The following CIMIP5 variants were observed in gnomAD, a reference collection of about 807,000 sequenced individuals.
CIMIP5 encodes the protein ciliary microtubule inner protein 5.
At chr2:11,145,815 G>C in the CIMIP5 span, 1 of 152,248 alleles carries the variant, frequency 6.6e-6, no homozygotes, top group Non-Finnish European at 1.5e-5. Flanking sequence ...GAGTGAGCTC[G>C]TGGAGCAGAA....
At chr2:11,134,080 A>G in the CIMIP5 span, among the ~76,000 whole-genome samples, 1 of 152,254 alleles carries the variant, frequency 6.6e-6, no homozygotes, top group South Asian at 2.1e-4. Flanking sequence ...CAGAGAAGCA[A>G]ACAAGTACAA....
the CIMIP5 span, among the ~76,000 whole-genome samples, chr2:11,149,455 C>T: frequency 1.5e-3 from 233 of 152,256 alleles, no homozygotes; most frequent in African/African-American, 5.3e-3. Flanking sequence ...CCCATAATGC[C>T]GGCACTTTGG....
chr2:11,135,415 T>C, the CIMIP5 span, among the ~76,000 whole-genome samples: 1 of 152,176 alleles, frequency 6.6e-6, no homozygotes, highest in South Asian at 2.1e-4. Flanking sequence ...TGTGACGTGG[T>C]ATCTCATTGT....
At chr2:11,152,737 C>T in the CIMIP5 span, among the ~76,000 whole-genome samples, 1 of 152,042 alleles carries the variant, frequency 6.6e-6, no homozygotes, top group African/African-American at 2.4e-5. Flanking sequence ...CCTGAAGGGA[C>T]AGAGGAGCCT....
the CIMIP5 span, among the ~76,000 whole-genome samples, chr2:11,134,442 T>G: frequency 4.1e-4 from 63 of 152,334 alleles, no homozygotes; most frequent in Non-Finnish European, 7.2e-4. Flanking sequence ...GCATTCATCT[T>G]GCACCACTGA....
At chr2:11,133,503 G>T in the CIMIP5 span, 1 of 1,608,662 alleles carries the variant, frequency 6.2e-7, no homozygotes, top group South Asian at 1.1e-5. Context: ...GGCGCAGCGG[G>T]TGGCTCAGGG....
the CIMIP5 span, among the ~76,000 whole-genome samples, chr2:11,137,695 A>C: frequency 1.3e-5 from 2 of 152,326 alleles, no homozygotes; most frequent in South Asian, 4.1e-4. Context: ...TGCATTAACA[A>C]GAAAGTGAGA....
the CIMIP5 span, chr2:11,133,134 C>T: frequency 1.8e-6 from 1 of 557,698 alleles, no homozygotes. Context: ...GGCTCAAATG[C>T]TCTCCCCAGC....
the CIMIP5 span, chr2:11,146,541 T>C: frequency 1.3e-5 from 2 of 152,348 alleles, no homozygotes; most frequent in East Asian, 3.9e-4. Flanking sequence ...TTCCAGGAGT[T>C]ACACAGGACA....
chr2:11,142,249 A>G, the CIMIP5 span, among the ~76,000 whole-genome samples: 1 of 145,676 alleles, frequency 6.9e-6, no homozygotes, highest in African/African-American at 2.6e-5. Context: ...CTGGGCAACA[A>G]GAGCAAAATT....
chr2:11,141,159 T>C, the CIMIP5 span, among the ~76,000 whole-genome samples: 125,991 of 135,522 alleles, frequency 0.93, 58,656 homozygotes, highest in East Asian at 1. Context: ...GATGGAGTCT[T>C]GCTCTGTCGC....
chr2:11,153,129 G>A, the CIMIP5 span, among the ~76,000 whole-genome samples: 1 of 152,152 alleles, frequency 6.6e-6, no homozygotes, highest in Admixed American at 6.5e-5. Context: ...GCCTAACCCC[G>A]AAGGGCCACA....
chr2:11,151,451 C>T, the CIMIP5 span, among the ~76,000 whole-genome samples: 3 of 152,178 alleles, frequency 2.0e-5, no homozygotes, highest in South Asian at 2.1e-4. Context: ...CATGTTCCCA[C>T]GTGAAGGTGT....
the CIMIP5 span, among the ~76,000 whole-genome samples, chr2:11,141,217 C>A: frequency 6.6e-6 from 1 of 151,258 alleles, no homozygotes; most frequent in African/African-American, 2.4e-5. Context: ...CAATCTCCAC[C>A]TCCTGGATTC....
chr2:11,153,379 G>T, the CIMIP5 span, among the ~76,000 whole-genome samples: 21 of 152,290 alleles, frequency 1.4e-4, no homozygotes, highest in African/African-American at 5.1e-4. Flanking sequence ...AAGTGCTAGC[G>T]CAGGCTGACC....
chr2:11,154,345 C>T, the CIMIP5 span, among the ~76,000 whole-genome samples: 1 of 152,102 alleles, frequency 6.6e-6, no homozygotes, highest in South Asian at 2.1e-4. Flanking sequence ...GGACTCAGCA[C>T]CTGTTTTTTT....
chr2:11,149,313 CA>C, the CIMIP5 span, among the ~76,000 whole-genome samples: 42,122 of 117,794 alleles, frequency 0.36, 6,154 homozygotes, highest in East Asian at 0.52. Context: ...GCACTCTTGC[CA>C]AAAAAAAAAA....
the CIMIP5 span, among the ~76,000 whole-genome samples, chr2:11,152,955 G>A: frequency 4.6e-5 from 7 of 152,176 alleles, no homozygotes; most frequent in African/African-American, 1.7e-4. Context: ...TGCACCTGGT[G>A]GGGAATGACC....
the CIMIP5 span, among the ~76,000 whole-genome samples, chr2:11,137,914 C>T: frequency 1.4e-4 from 22 of 152,280 alleles, no homozygotes; most frequent in Admixed American, 3.3e-4. Context: ...GGTGCCATCT[C>T]GGCTCACTGC....
Sources: allele counts gnomAD v4.1 joint callset (sites outside exome capture counted in the v4.1 genomes callset), GRCh38; gene constraint gnomAD v4.1.1; transcripts MANE v1.5; gene names NCBI Gene and HGNC (gene_info 2026-07-23, HGNC 2026-07-21).